Variants in DGKB observed in about 807,000 individuals in gnomAD.
DGKB encodes the protein 90 kDa diacylglycerol kinase.
DGKB carries 67 observed loss-of-function variants against 114.3 expected under a neutral mutation model. The ratio of observed to expected loss-of-function variants is 0.59; its 90% CI spans 0.48 to 0.72. The LOEUF (loss-of-function observed/expected upper bound fraction) is 0.72, where lower values mean the gene tolerates loss of function less well. DGKB is among the 30% of genes least tolerant of loss of function. The pLI, the probability that DGKB is intolerant of heterozygous loss-of-function variation, is 0.00. For synonymous variants in DGKB, 398 were observed against 323.1 expected, an observed-to-expected ratio of 1.23 and a Z score of -2.49; for missense variants, 907 against 975.2, an observed-to-expected ratio of 0.93 and a Z score of 0.93.
At chr7:14,227,103 T>C (rs577880490) in intron 23 of DGKB, among the ~76,000 whole-genome samples, 1 of 152,148 alleles carries the variant, frequency 6.6e-6, no homozygotes, top group South Asian at 2.1e-4. Context: ...ATGTGACTTA[T>C]CTCAAGGCCC....
chr7:14,411,368 T>C (rs1327420969), intron 21 of DGKB, among the ~76,000 whole-genome samples: 5 of 152,232 alleles, frequency 3.3e-5, no homozygotes, highest in Non-Finnish European at 5.9e-5. Context: ...AAGGAGCATT[T>C]GTATCTTCTA....
intron 16 of DGKB, among the ~76,000 whole-genome samples, chr7:14,608,460 T>C (rs1387646380): frequency 2.0e-5 from 3 of 152,016 alleles, no homozygotes; most frequent in Admixed American, 2.0e-4. Context: ...AAGCCATCTA[T>C]GACAAACCCA....
At chr7:14,259,092 C>G (rs1189535672) in intron 23 of DGKB, among the ~76,000 whole-genome samples, 1 of 152,110 alleles carries the variant, frequency 6.6e-6, no homozygotes, top group Non-Finnish European at 1.5e-5. Flanking sequence ...GCCTTGAACA[C>G]TCATCTCTGT....
chr7:14,922,532 G>A (rs1456774249), intron 1 of DGKB, among the ~76,000 whole-genome samples: 1 of 151,816 alleles, frequency 6.6e-6, no homozygotes, highest in Non-Finnish European at 1.5e-5. Context: ...AGAAAGAGAA[G>A]TTGGGGAATT....
intron 15 of DGKB, among the ~76,000 whole-genome samples, chr7:14,613,982 A>G (rs1266445188): frequency 6.6e-6 from 1 of 152,098 alleles, no homozygotes; most frequent in African/African-American, 2.4e-5. Flanking sequence ...TCCTTGCTGA[A>G]TAGGTTGCTA....
At chr7:14,924,206 G>C (rs1344619751) in intron 1 of DGKB, among the ~76,000 whole-genome samples, 4 of 151,756 alleles carry the variant, frequency 2.6e-5, no homozygotes, top group African/African-American at 9.7e-5. Context: ...ATTTTTGCTG[G>C]GTATGCAGTT....
intron 23 of DGKB, among the ~76,000 whole-genome samples, chr7:14,334,387 TGTGTGTGTGC>T (rs1434341471): frequency 1.5e-4 from 13 of 84,918 alleles, no homozygotes; most frequent in South Asian, 9.3e-4. Flanking sequence ...TGTGTGTGTG[TGTGTGTGTGC>T]GCGCGCGTGT....
chr7:14,911,142 T>G (rs1181111214), intron 1 of DGKB, among the ~76,000 whole-genome samples: 1 of 152,152 alleles, frequency 6.6e-6, no homozygotes, highest in African/African-American at 2.4e-5. Context: ...AGTTATCAAT[T>G]TTTTGTAGTG....
At chr7:14,542,948 T>C (rs890624307) in intron 20 of DGKB, among the ~76,000 whole-genome samples, 1 of 152,180 alleles carries the variant, frequency 6.6e-6, no homozygotes, top group Non-Finnish European at 1.5e-5. Context: ...TGGGTTCATT[T>C]AGGCCAATTA....
intron 20 of DGKB, among the ~76,000 whole-genome samples, chr7:14,501,302 A>C (rs1453267344): frequency 2.0e-5 from 3 of 151,930 alleles, no homozygotes; most frequent in Non-Finnish European, 2.9e-5. Flanking sequence ...TCTTAAGGAC[A>C]GTGTCCCAAA....
chr7:14,241,412 A>AC (rs1793621813), intron 23 of DGKB, among the ~76,000 whole-genome samples: 1 of 152,032 alleles, frequency 6.6e-6, no homozygotes, highest in Non-Finnish European at 1.5e-5. Flanking sequence ...ATATACTATA[A>AC]TTAAATATAT....
At chr7:14,329,984 C>T (rs984273505) in intron 23 of DGKB, among the ~76,000 whole-genome samples, 1 of 151,852 alleles carries the variant, frequency 6.6e-6, no homozygotes, top group Non-Finnish European at 1.5e-5. Context: ...ACAACTGTGC[C>T]ACAGAAACAA....
intron 19 of DGKB, among the ~76,000 whole-genome samples, chr7:14,578,636 T>C (rs1459521505): frequency 6.6e-6 from 1 of 152,238 alleles, no homozygotes; most frequent in Non-Finnish European, 1.5e-5. Flanking sequence ...GCTACTTGCC[T>C]GATTTAAATC....
chr7:14,786,938 C>T (rs1398153660), intron 2 of DGKB, among the ~76,000 whole-genome samples: 1 of 152,232 alleles, frequency 6.6e-6, no homozygotes, highest in African/African-American at 2.4e-5. Flanking sequence ...CACTGTGGAT[C>T]TCCTCTCCAC....
At chr7:14,963,977 A>G (rs1441483654) in intron 1 of DGKB, among the ~76,000 whole-genome samples, 2 of 152,252 alleles carry the variant, frequency 1.3e-5, no homozygotes, top group Admixed American at 6.5e-5. Flanking sequence ...CAGATGTATG[A>G]TATTTGTTAT....
intron 13 of DGKB, among the ~76,000 whole-genome samples, chr7:14,635,538 GAA>G (rs927503750): frequency 1.3e-5 from 2 of 151,432 alleles, no homozygotes; most frequent in Non-Finnish European, 3.0e-5. Flanking sequence ...TCGAGGAGGA[GAA>G]AGAGGGGAGC....
intron 21 of DGKB, among the ~76,000 whole-genome samples, chr7:14,466,231 C>G (rs1780453759): frequency 1.3e-5 from 2 of 152,106 alleles, no homozygotes; most frequent in African/African-American, 2.4e-5. Context: ...ACTCAACAAG[C>G]TTTGATCAAC....
At chr7:14,462,184 G>C (rs1833182800) in intron 21 of DGKB, among the ~76,000 whole-genome samples, 1 of 152,108 alleles carries the variant, frequency 6.6e-6, no homozygotes, top group African/African-American at 2.4e-5. Context: ...TATTCCCTTT[G>C]AAAACTGGCA....
intron 13 of DGKB, among the ~76,000 whole-genome samples, chr7:14,668,771 C>T (rs1042857501): frequency 6.6e-6 from 1 of 152,030 alleles, no homozygotes; most frequent in Non-Finnish European, 1.5e-5. Flanking sequence ...CCCTCACTTC[C>T]AGCTCAAATT....
Sources: allele counts gnomAD v4.1 joint callset (sites outside exome capture counted in the v4.1 genomes callset), GRCh38; gene constraint gnomAD v4.1.1; transcripts MANE v1.5; gene names NCBI Gene and HGNC (gene_info 2026-07-23, HGNC 2026-07-21).